The following INSYN2B variants were observed in gnomAD, a reference collection of about 807,000 sequenced individuals.
INSYN2B encodes the protein inhibitory synaptic factor family member 2B.
In INSYN2B, 16 loss-of-function variants were observed where a neutral mutation model predicts 41.2. The observed-to-expected ratio is 0.39, with a 90% CI of 0.26 to 0.59. The LOEUF (loss-of-function observed/expected upper bound fraction) is 0.59, where lower values mean the gene tolerates loss of function less well. INSYN2B is among the 20% of genes least tolerant of loss of function. The pLI is 0.57. For synonymous variants in INSYN2B, 245 were observed against 244.4 expected, an observed-to-expected ratio of 1.00 and a Z score of -0.02; for missense variants, 608 against 646.4, an observed-to-expected ratio of 0.94 and a Z score of 0.64.
chr5:169,912,113 G>A (rs1018594956), intron 1 of INSYN2B, among the ~76,000 whole-genome samples: 3 of 152,172 alleles, frequency 2.0e-5, no homozygotes, highest in Non-Finnish European at 4.4e-5. Flanking sequence ...CACTCTTGGT[G>A]ATACAAGGGA....
intron 1 of INSYN2B, among the ~76,000 whole-genome samples, chr5:169,964,840 A>G (rs1777236740): frequency 6.6e-6 from 1 of 152,238 alleles, no homozygotes; most frequent in Admixed American, 6.5e-5. Context: ...TGGAGGATTC[A>G]AAGGGGGAAC....
chr5:169,868,077 G>A (rs927212112), intron 3 of INSYN2B, among the ~76,000 whole-genome samples: 10 of 152,164 alleles, frequency 6.6e-5, no homozygotes, highest in African/African-American at 1.2e-4. Flanking sequence ...AAAGAGAGTG[G>A]GTACCCCCTC....
chr5:169,936,639 T>G (rs1376149976), intron 1 of INSYN2B, among the ~76,000 whole-genome samples: 1 of 147,520 alleles, frequency 6.8e-6, no homozygotes, highest in Non-Finnish European at 1.5e-5. Context: ...GAGAAACCAG[T>G]GTGGCTACTG....
In INSYN2B at chr5:169,918,016, G is replaced by A. The variant is rs375929360; in HGVS notation, c.-918-33200C>T. On this transcript the variant is annotated intron_variant, in intron 1 of 3. Transcript: ENST00000377365. ...GTTACAGAATTCTGCCTTTCAGCAA[G>A]GAAAGGTATTTAGCTGGGATCTGAG... 4.9e-4 allele frequency among the ~76,000 whole-genome samples: 75 copies of A among 152,304 alleles called. 1 individual carries two copies. The East Asian group carries it at 0.012, about 24-fold the overall frequency.
At chr5:169,949,094 A>C (rs899225165) in intron 1 of INSYN2B, among the ~76,000 whole-genome samples, 5 of 152,190 alleles carry the variant, frequency 3.3e-5, no homozygotes, top group Non-Finnish European at 5.9e-5. Flanking sequence ...ATGTGGATAA[A>C]AGTGTATAGC....
At chr5:169,879,864 A>G (rs1772535720) in intron 3 of INSYN2B, among the ~76,000 whole-genome samples, 1 of 152,198 alleles carries the variant, frequency 6.6e-6, no homozygotes. Flanking sequence ...CTTTTTACTT[A>G]TATAGGCCAA....
At chr5:169,887,744 A>G (rs1264449056) in intron 1 of INSYN2B, among the ~76,000 whole-genome samples, 1 of 152,204 alleles carries the variant, frequency 6.6e-6, no homozygotes, top group Non-Finnish European at 1.5e-5. Flanking sequence ...AAATGCCTAG[A>G]AGAAGAATTA....
intron 1 of INSYN2B, among the ~76,000 whole-genome samples, chr5:169,886,117 GA>G (rs979573180): frequency 2.0e-5 from 3 of 151,936 alleles, no homozygotes; most frequent in Admixed American, 6.6e-5. Flanking sequence ...TCTTTATAAA[GA>G]AAAAAACCCC....
rs115280224 is a variant in INSYN2B at position 169,940,079 on chromosome 5, G to A, written c.-919+40198C>T. Among the ~76,000 whole-genome samples, 249 of 152,314 alleles carry A rather than the reference G, an allele frequency of 1.6e-3. 2 individuals carry two copies. Among genetic ancestry groups the A allele is most frequent in the African/African-American group, 5.7e-3 (237 of 41,562 alleles). ...CATCTAGAGCCCTGGTGACGGCTGT[G>A]GGTGGGGAGAGGGGTGATTAGGGTC... On this transcript the variant is annotated intron_variant, in intron 1 of 3. Transcript: ENST00000377365.
At chr5:169,893,342 C>A (rs1472686646) in intron 1 of INSYN2B, among the ~76,000 whole-genome samples, 1 of 152,180 alleles carries the variant, frequency 6.6e-6, no homozygotes, top group Non-Finnish European at 1.5e-5. Flanking sequence ...CCAATTCATC[C>A]AGCTTCTCAT....
In INSYN2B at chr5:169,883,692, T is replaced by C; in HGVS notation, c.207A>G (p.Gln69=). The change falls in exon 2 of 4, where the codon CAA becomes CAG. Residue 69 remains glutamine (Q), a synonymous_variant. Coordinates refer to ENST00000377365, the MANE Select transcript of INSYN2B (RefSeq NM_001129891.3). The part of the protein sequence containing the change: ...PEDPAVMGKT[Q]ATRHHLPPTY... ...TGGGGGGAAGATGGTGCCTGGTTGC[T>C]TGAGTCTTCCCCATCACAGCCGGGT... is the stretch of plus-strand genomic sequence containing the variant. The C allele has an allele frequency of 5.8e-6, 9 of 1,551,226 alleles. No individual in the cohort carries two copies. Among genetic ancestry groups the C allele is most frequent in the East Asian group, 2.4e-5 (1 of 40,914 alleles).
chr5:169,864,564 C>A, intron 3 of INSYN2B, 105 bp from the exon 4 acceptor site: 1 of 919,324 alleles, frequency 1.1e-6, no homozygotes, highest in South Asian at 1.8e-5. Flanking sequence ...GCTTTGGGAT[C>A]AAATCCTAGA....
chr5:169,942,547 A>T (rs1776282880), intron 1 of INSYN2B, among the ~76,000 whole-genome samples: 1 of 152,204 alleles, frequency 6.6e-6, no homozygotes, highest in Admixed American at 6.5e-5. Flanking sequence ...TTTTACAGAA[A>T]ATTGTAATTT....
intron 1 of INSYN2B, among the ~76,000 whole-genome samples, chr5:169,896,691 C>T (rs1217506462): frequency 6.6e-6 from 1 of 152,128 alleles, no homozygotes; most frequent in Non-Finnish European, 1.5e-5. Context: ...TGAGAACCAG[C>T]AAAGATTTCT....
intron 1 of INSYN2B, among the ~76,000 whole-genome samples, chr5:169,908,107 A>T (rs761416800): frequency 2.6e-5 from 4 of 152,214 alleles, no homozygotes; most frequent in Non-Finnish European, 4.4e-5. Context: ...GGGAAAGCCC[A>T]ATGTATTCTG....
At chr5:169,945,135 A>G (rs1223001800) in intron 1 of INSYN2B, among the ~76,000 whole-genome samples, 1 of 152,226 alleles carries the variant, frequency 6.6e-6, no homozygotes, top group Non-Finnish European at 1.5e-5. Context: ...TTGGCCCCAG[A>G]AGAATCCTCT....
At chr5:169,971,847 C>T (rs1561859109) in intron 1 of INSYN2B, among the ~76,000 whole-genome samples, 1 of 152,202 alleles carries the variant, frequency 6.6e-6, no homozygotes, top group Non-Finnish European at 1.5e-5. Flanking sequence ...TCGTAGTTAC[C>T]CATGAACTTC....
rs1348664665 is a variant in INSYN2B at position 169,883,400 on chromosome 5, A to G, written c.499T>C (p.Ser167Pro). The change falls in exon 2 of 4, where the codon TCC becomes CCC. Residue 167 changes from serine to proline, a missense_variant. By Grantham distance (74) the Ser-to-Pro change is moderately conservative. Transcript: ENST00000377365. ...GGGACCCTTGGGAGGAATGCATGGG[A>G]CACCTTGACCCTTCGAGGCCCATCC... ...LEDGPRRVKV[S>P]HAFLPRVPKV... 2 of 1,551,554 alleles carry G rather than the reference A, an allele frequency of 1.3e-6. No individual in the cohort carries two copies. Among genetic ancestry groups the G allele is most frequent in the Non-Finnish European group, 8.7e-7 (1 of 1,146,966 alleles).
At position 169,883,956 on chromosome 5, in the gene INSYN2B, G is replaced by A; in HGVS notation, c.-58C>T. ...CTTCTCCTAGGCACATCTCCCCTTA[G>A]GTCTTTGGAGCAGTATCTAATGATA... On this transcript the variant is annotated 5_prime_UTR_variant, in exon 2 of 4. Coordinates refer to ENST00000377365, the MANE Select transcript of INSYN2B (RefSeq NM_001129891.3). 10 of 1,404,016 alleles carry A rather than the reference G, an allele frequency of 7.1e-6. No individual in the cohort carries two copies. Among genetic ancestry groups the A allele is most frequent in the Non-Finnish European group, 9.4e-6 (10 of 1,063,732 alleles). The allele number at this position is 1,404,016 out of a possible 1,614,324, so 87.0% of individuals were successfully genotyped here. A position where few individuals can be genotyped will look rare whatever the true frequency, so the allele number is the denominator to read the frequency against.
Sources: allele counts gnomAD v4.1 joint callset (sites outside exome capture counted in the v4.1 genomes callset), GRCh38; gene constraint gnomAD v4.1.1; transcripts MANE v1.5; gene names NCBI Gene and HGNC (gene_info 2026-07-23, HGNC 2026-07-21).